Variants in THSD4 observed in about 807,000 individuals in gnomAD.
THSD4 encodes the protein thrombospondin type 1 domain containing 4.
THSD4 carries 69 observed loss-of-function variants against 119.0 expected under a neutral mutation model. The ratio of observed to expected loss-of-function variants is 0.58; its 90% CI spans 0.48 to 0.71. The LOEUF is 0.71. Ranked by LOEUF, THSD4 falls within the 30% of genes least tolerant of loss-of-function variation. THSD4 has a pLI of 0.00. For missense variants in THSD4, 1,393 were observed against 1,391.1 expected (o/e 1.00, Z -0.02); for synonymous variants, 524 against 540.4 (o/e 0.97, Z 0.42).
intron 7 of THSD4, chr15:71,547,749 G>C (rs1420709799): frequency 3.1e-6 from 1 of 325,968 alleles, no homozygotes; most frequent in Non-Finnish European, 5.5e-6. Flanking sequence ...ACAGATGCCT[G>C]TAGCACGCAC....
intron 7 of THSD4, among the ~76,000 whole-genome samples, chr15:71,554,044 T>G (rs1045217545): frequency 2.6e-5 from 4 of 151,920 alleles, no homozygotes; most frequent in Admixed American, 1.3e-4. Flanking sequence ...TCTTTTTGTA[T>G]GCTTTGAAAC....
chr15:71,467,994 G>A (rs148618412), intron 7 of THSD4, among the ~76,000 whole-genome samples: 2,745 of 151,898 alleles, frequency 0.018, 46 homozygotes, highest in Non-Finnish European at 0.027. Context: ...GATTACAGGC[G>A]CCTGTCACCA....
At chr15:71,290,225 C>T (rs2044772198) in intron 6 of THSD4, among the ~76,000 whole-genome samples, 1 of 152,190 alleles carries the variant, frequency 6.6e-6, no homozygotes, top group Non-Finnish European at 1.5e-5. Flanking sequence ...CTGGTGCTGG[C>T]ACAGCAGGTC....
At chr15:71,351,027 G>C (rs907763159) in intron 6 of THSD4, among the ~76,000 whole-genome samples, 1 of 152,142 alleles carries the variant, frequency 6.6e-6, no homozygotes, top group Non-Finnish European at 1.5e-5. Context: ...TACCGGTTGG[G>C]GTACCGATGA....
intron 8 of THSD4, among the ~76,000 whole-genome samples, chr15:71,699,974 A>G (rs543585644): frequency 5.2e-4 from 79 of 152,360 alleles, no homozygotes; most frequent in African/African-American, 1.8e-3. Context: ...CCTTAATTTG[A>G]TAAGGAAAGT....
intron 15 of THSD4, 122 bp from the exon 16 acceptor site, chr15:71,764,898 G>A (rs765770940): frequency 7.9e-7 from 1 of 1,258,070 alleles, no homozygotes; most frequent in Non-Finnish European, 1.1e-6. Context: ...GTTCTCCTGG[G>A]TTCTTCCTCC....
At chr15:71,366,433 TATC>T (rs1366560277) in intron 6 of THSD4, among the ~76,000 whole-genome samples, 1 of 152,160 alleles carries the variant, frequency 6.6e-6, no homozygotes, top group African/African-American at 2.4e-5. Flanking sequence ...ACCATTGTGA[TATC>T]TCCACTGGAT....
chr15:71,240,914 C>T (rs1212057905), intron 4 of THSD4, among the ~76,000 whole-genome samples: 1 of 151,710 alleles, frequency 6.6e-6, no homozygotes, highest in Non-Finnish European at 1.5e-5. Flanking sequence ...CCAAGTGTTG[C>T]CAAGATTAAT....
intron 7 of THSD4, among the ~76,000 whole-genome samples, chr15:71,494,050 C>T (rs565400991): frequency 6.6e-6 from 1 of 152,086 alleles, no homozygotes; most frequent in East Asian, 1.9e-4. Flanking sequence ...GATGGGACAC[C>T]CAGGTATAAT....
At chr15:71,451,908 G>C (rs932392841) in intron 7 of THSD4, among the ~76,000 whole-genome samples, 1 of 152,152 alleles carries the variant, frequency 6.6e-6, no homozygotes, top group Non-Finnish European at 1.5e-5. Context: ...CGCATTGCCT[G>C]GTCTCTGGGA....
chr15:71,728,954 A>G (rs2052920472), intron 9 of THSD4: 2 of 569,396 alleles, frequency 3.5e-6, no homozygotes, highest in Non-Finnish European at 6.2e-6. Flanking sequence ...TTACCTTCGG[A>G]GTTTATTGAC....
chr15:71,576,091 G>A (rs2049443542), intron 7 of THSD4, among the ~76,000 whole-genome samples: 1 of 130,372 alleles, frequency 7.7e-6, no homozygotes, highest in Admixed American at 8.6e-5. Context: ...GAGTTAGATA[G>A]TAGTCTTTTT....
intron 3 of THSD4, among the ~76,000 whole-genome samples, chr15:71,162,719 G>A (rs939893018): frequency 7.9e-5 from 12 of 151,954 alleles, no homozygotes; most frequent in Non-Finnish European, 1.8e-4. Flanking sequence ...TAGATTTCCT[G>A]TGCCTTTCTC....
chr15:71,403,557 T>G (rs2046567042), intron 6 of THSD4, among the ~76,000 whole-genome samples: 1 of 152,224 alleles, frequency 6.6e-6, no homozygotes. Context: ...ATGGGTCTCT[T>G]GTACTCTTAC....
rs1035119537 is a variant in THSD4 at position 71,731,073 on chromosome 15, G to A, written c.1534-48G>A. The A allele has an allele frequency of 2.9e-5, 45 of 1,575,694 alleles. 2 individuals carry two copies. In the Admixed American group the frequency reaches 7.2e-4, roughly 25 times the overall value. ...GCAAATGCCATTGAAACCCAGAAGG[G>A]GTGTGCATACGTGCCAAGTGCGGTA... On this transcript the variant is annotated intron_variant, in intron 9 of 17. Coordinates refer to ENST00000261862, the MANE Select transcript of THSD4 (RefSeq NM_024817.3).
chr15:71,598,700 C>T (rs2049951148), intron 7 of THSD4, among the ~76,000 whole-genome samples: 1 of 152,110 alleles, frequency 6.6e-6, no homozygotes, highest in Non-Finnish European at 1.5e-5. Context: ...TCAATGCAGC[C>T]TCAATCTCCT....
At chr15:71,480,963 AC>A (rs1479899325) in intron 7 of THSD4, among the ~76,000 whole-genome samples, 3 of 152,192 alleles carry the variant, frequency 2.0e-5, no homozygotes, top group Admixed American at 6.5e-5. Flanking sequence ...GATTCATAGA[AC>A]TGAAATTTGG....
At chr15:71,767,968 A>G (rs970663194) in intron 16 of THSD4, among the ~76,000 whole-genome samples, 4 of 152,224 alleles carry the variant, frequency 2.6e-5, no homozygotes, top group African/African-American at 9.6e-5. Context: ...ATGTGTTTAA[A>G]TCCATCCATT....
chr15:71,117,538 A>G (rs1159914060), intron 1 of THSD4, among the ~76,000 whole-genome samples: 3 of 152,044 alleles, frequency 2.0e-5, no homozygotes, highest in African/African-American at 4.8e-5. Flanking sequence ...TTCATCGCAA[A>G]ATCTCTTCCA....
Sources: allele counts gnomAD v4.1 joint callset (sites outside exome capture counted in the v4.1 genomes callset), GRCh38; gene constraint gnomAD v4.1.1; transcripts MANE v1.5; gene names NCBI Gene and HGNC (gene_info 2026-07-23, HGNC 2026-07-21).